Variants in CPEB2 observed in about 807,000 individuals in gnomAD.
CPEB2 encodes the protein cytoplasmic polyadenylation element binding protein 2.
In CPEB2, 56 loss-of-function variants were observed where a neutral mutation model predicts 93.6. That is an observed-to-expected ratio of 0.60 (90% CI 0.48 to 0.75). The LOEUF (loss-of-function observed/expected upper bound fraction) is 0.75. Ranked by LOEUF, CPEB2 falls within the 30% of genes least tolerant of loss-of-function variation. CPEB2 has a pLI of 0.00. For synonymous variants in CPEB2, 764 were observed against 586.3 expected (o/e 1.30, Z -4.38); for missense variants, 1,579 against 1,395.1 (o/e 1.13, Z -2.10).
chr4:15,052,605 T>A, intron 7 of CPEB2, 21 bp downstream of exon 7: 1 of 1,428,946 alleles, frequency 7.0e-7, no homozygotes, highest in Non-Finnish European at 9.4e-7. Flanking sequence ...AGATATTTAT[T>A]AACATGGTGA....
At chr4:15,040,605 T>C in intron 6 of CPEB2, 118 bp downstream of exon 6, 1 of 904,294 alleles carries the variant, frequency 1.1e-6, no homozygotes, top group Admixed American at 2.6e-5. Context: ...AATTGTATTT[T>C]GATTTGAGCA....
At chr4:15,026,293 C>A (rs1725469728) in intron 4 of CPEB2, among the ~76,000 whole-genome samples, 1 of 150,998 alleles carries the variant, frequency 6.6e-6, no homozygotes, top group African/African-American at 2.4e-5. Context: ...GTGGCGTGAT[C>A]TTGGCTCACT....
intron 4 of CPEB2, among the ~76,000 whole-genome samples, chr4:15,023,593 G>A: frequency 6.6e-6 from 1 of 151,720 alleles, no homozygotes; most frequent in East Asian, 1.9e-4. Flanking sequence ...ATCCAACCTG[G>A]TTAACTTTTT....
rs1199130057 is a variant in CPEB2, at chr4:15,004,000, C to G, written c.1327C>G (p.Pro443Ala). 3 of 1,544,944 alleles carry G rather than the reference C, an allele frequency of 1.9e-6. No individual in the cohort carries two copies. The highest frequency in any genetic ancestry group is 2.6e-6 in the Non-Finnish European group (3 of 1,148,742). The change falls in exon 1 of 12, where the codon CCC (proline) becomes GCC (alanine). Residue 443 changes from proline (P) to alanine (A), a missense_variant. Physicochemically the swap from Pro to Ala is conservative, Grantham distance 27 (BLOSUM62 -1). This residue lies in a region of CPEB2 where 1,411 missense variants were observed against 1,056.0 expected (regional missense o/e 1.34). Coordinates refer to ENST00000538197, the MANE Select transcript of CPEB2 (RefSeq NM_001177382.2). The stretch of plus-strand genomic sequence containing the variant: ...GCTCAGCGCCATGCCGCCGCCCAGC[C>G]CCGACTCAGAGAACGGCTTCTACCC... Reference protein sequence around the residue: ...GSLSAMPPPSPDSENGFYPGL... With the variant: ...GSLSAMPPPSADSENGFYPGL...
At chr4:15,057,146 T>TA (rs1010922659) in intron 8 of CPEB2, among the ~76,000 whole-genome samples, 5 of 152,050 alleles carry the variant, frequency 3.3e-5, no homozygotes, top group African/African-American at 7.2e-5. Flanking sequence ...ATTAAAGCCT[T>TA]AAAAAAATCT....
At chr4:15,021,652 A>C (rs1483553686) in intron 4 of CPEB2, among the ~76,000 whole-genome samples, 1 of 152,190 alleles carries the variant, frequency 6.6e-6, no homozygotes, top group African/African-American at 2.4e-5. Flanking sequence ...GTTTGGGGGA[A>C]GATCTGTGTC....
intron 10 of CPEB2, among the ~76,000 whole-genome samples, chr4:15,060,684 A>T (rs1416205514): frequency 1.3e-5 from 2 of 152,160 alleles, no homozygotes; most frequent in African/African-American, 4.8e-5. Flanking sequence ...AGAGCTCCCA[A>T]ATAGAAATTT....
intron 7 of CPEB2, among the ~76,000 whole-genome samples, chr4:15,053,184 T>C (rs1728399605): frequency 1.3e-5 from 2 of 151,922 alleles, no homozygotes; most frequent in East Asian, 3.9e-4. Context: ...GCCCCGCTAA[T>C]TTGTTGTATT....
At chr4:15,038,462 G>A (rs1397480833) in intron 5 of CPEB2, among the ~76,000 whole-genome samples, 1 of 152,060 alleles carries the variant, frequency 6.6e-6, no homozygotes, top group Non-Finnish European at 1.5e-5. Flanking sequence ...AATTTATACT[G>A]GATTAATACC....
intron 6 of CPEB2, among the ~76,000 whole-genome samples, chr4:15,041,186 A>G (rs1427959422): frequency 5.3e-5 from 8 of 152,170 alleles, no homozygotes; most frequent in Non-Finnish European, 4.4e-5. Context: ...TTCTGTGGCT[A>G]AAACTTTGCT....
At chr4:15,018,772 T>G (rs939864210) in intron 4 of CPEB2, among the ~76,000 whole-genome samples, 1 of 150,632 alleles carries the variant, frequency 6.6e-6, no homozygotes, top group Non-Finnish European at 1.5e-5. Flanking sequence ...TCTTTTTTTT[T>G]TTTTCAAAAG....
rs1426899102 is a variant in CPEB2, at chr4:15,002,918, C to T, written c.245C>T (p.Ser82Phe). Residue 82 changes from serine (S) to phenylalanine (F), a missense_variant, in exon 1 of 12, where the codon TCT becomes TTT. Coordinates refer to ENST00000538197, the MANE Select transcript of CPEB2 (RefSeq NM_001177382.2). Reference protein sequence around the residue: ...GAGSPAAAASSSSPFLAHQQT... With the variant: ...GAGSPAAAASFSSPFLAHQQT... Reference sequence around the variant, plus strand: ...GGCAGCCCGGCCGCCGCCGCTTCCTCTTCCTCCCCGTTCCTGGCGCATCAG... The same window carrying T: ...GGCAGCCCGGCCGCCGCCGCTTCCTTTTCCTCCCCGTTCCTGGCGCATCAG... The T allele has an allele frequency of 7.3e-6, 11 of 1,516,362 alleles. No individual in the cohort carries two copies. The South Asian group carries it at 9.8e-5, about 14-fold the overall frequency. The allele number at this position is 1,516,362 out of a possible 1,614,324, so 93.9% of individuals were successfully genotyped here. A position where few individuals can be genotyped will look rare whatever the true frequency, so the allele number is the denominator to read the frequency against.
intron 3 of CPEB2, among the ~76,000 whole-genome samples, chr4:15,009,179 TG>T (rs1723170283): frequency 6.6e-6 from 1 of 152,240 alleles, no homozygotes; most frequent in African/African-American, 2.4e-5. Flanking sequence ...CAAGTTTGAA[TG>T]AGCATAGACT....
chr4:15,012,650 A>G (rs1025874549), intron 3 of CPEB2, among the ~76,000 whole-genome samples: 4 of 152,148 alleles, frequency 2.6e-5, no homozygotes, highest in Non-Finnish European at 2.9e-5. Context: ...GTAACAGGAA[A>G]GTATGATCAA....
intron 4 of CPEB2, among the ~76,000 whole-genome samples, chr4:15,022,191 G>A (rs1724888061): frequency 6.6e-6 from 1 of 151,908 alleles, no homozygotes; most frequent in Non-Finnish European, 1.5e-5. Flanking sequence ...GAACACACCT[G>A]GAGAAACTCT....
At chr4:15,007,945 G>C (rs1723040108) in intron 2 of CPEB2, among the ~76,000 whole-genome samples, 1 of 152,054 alleles carries the variant, frequency 6.6e-6, no homozygotes, top group Admixed American at 6.5e-5. Context: ...AATATGTTCT[G>C]TAATTGTAAC....
intron 3 of CPEB2, 34 bp downstream of exon 3, chr4:15,008,461 G>C (rs369684904): frequency 1.4e-5 from 20 of 1,439,286 alleles, no homozygotes; most frequent in Non-Finnish European, 1.8e-5. Flanking sequence ...TTAGGATTTC[G>C]GTTAGGAGTT....
At chr4:15,037,712 C>A (rs1726762634) in intron 5 of CPEB2, among the ~76,000 whole-genome samples, 1 of 152,054 alleles carries the variant, frequency 6.6e-6, no homozygotes, top group South Asian at 2.1e-4. Context: ...GTTTAACATA[C>A]CTGTGCATAT....
chr4:15,004,935 TTC>T (rs1329268187), intron 1 of CPEB2: 1 of 152,280 alleles, frequency 6.6e-6, no homozygotes, highest in African/African-American at 2.4e-5. Flanking sequence ...GCTTTTTTTT[TTC>T]TTTGGAGTTT....
Sources: gnomAD v4.1 joint callset for allele counts (sites outside exome capture counted in the v4.1 genomes callset) on GRCh38, gnomAD v4.1.1 for gene constraint, gnomAD v4.1.1 regional missense constraint, MANE v1.5 for transcripts, NCBI Gene and HGNC (gene_info 2026-07-23, HGNC 2026-07-21) for gene names.